Variants in DUSP26 observed in about 807,000 individuals in gnomAD.
The protein encoded by DUSP26 is dual specificity phosphatase 26.
In DUSP26, 12 loss-of-function variants were observed where a neutral mutation model predicts 20.0. The observed-to-expected ratio is 0.60, with a 90% CI of 0.38 to 0.97. DUSP26 has a LOEUF of 0.97. DUSP26 is among the 50% of genes least tolerant of loss of function. The pLI is 0.00. For missense variants in DUSP26, 230 were observed against 294.0 expected, an observed-to-expected ratio of 0.78 and a Z score of 1.59; for synonymous variants, 120 against 118.8, an observed-to-expected ratio of 1.01 and a Z score of -0.06.
intron 2 of DUSP26, among the ~76,000 whole-genome samples, chr8:33,596,249 A>G (rs1423659602): frequency 6.6e-6 from 1 of 150,732 alleles, no homozygotes; most frequent in Non-Finnish European, 1.5e-5. Context: ...GGGCTACTGC[A>G]CTCCAGCCTG....
At chr8:33,594,311 G>A (rs1362418480) in intron 2 of DUSP26, among the ~76,000 whole-genome samples, 5 of 151,920 alleles carry the variant, frequency 3.3e-5, no homozygotes, top group Non-Finnish European at 7.4e-5. Context: ...GAAAGTGTGC[G>A]GCCGGGCGCG....
chr8:33,595,887 G>A (rs1811132894), intron 2 of DUSP26, among the ~76,000 whole-genome samples: 1 of 152,150 alleles, frequency 6.6e-6, no homozygotes, highest in African/African-American at 2.4e-5. Context: ...CCTTGGCCAG[G>A]CACAACTTCT....
chr8:33,597,431 G>C lies in DUSP26; in HGVS notation c.85C>G (p.Arg29Gly). The C allele has an allele frequency of 6.2e-7, 1 of 1,614,104 alleles. No individual in the cohort carries two copies. Among genetic ancestry groups the C allele is most frequent in the South Asian group, 1.1e-5 (1 of 91,076 alleles). ...GTTGGCATCTCCTCCAGGGTCCCTCGAGTTCGAACAGGAGACCTTGAGCTA... is the reference window on the plus strand; with the variant it reads ...GTTGGCATCTCCTCCAGGGTCCCTCCAGTTCGAACAGGAGACCTTGAGCTA... ...RSSSRSPVRT[R>G]GTLEEMPTVQ... is the part of the protein sequence containing the mutation. Residue 29 changes from arginine (R) to glycine (G), a missense_variant, in exon 2 of 4, where the codon CGA becomes GGA. Transcript: ENST00000256261.
At chr8:33,599,473 C>T (rs1487531459) in intron 1 of DUSP26, among the ~76,000 whole-genome samples, 192 bp downstream of exon 1, 2 of 152,270 alleles carry the variant, frequency 1.3e-5, no homozygotes, top group East Asian at 3.9e-4. Context: ...CCATGGCTGT[C>T]GCCCCAGTCC....
At position 33,597,378 on chromosome 8, in the gene DUSP26, G is replaced by C; in HGVS notation, c.138C>G (p.Phe46Leu). The change falls in exon 2 of 4, where the codon TTC (phenylalanine) becomes TTG (leucine). Residue 46 changes from phenylalanine to leucine, a missense_variant. Phe to Leu is a conservative substitution (Grantham distance 22). Coordinates refer to ENST00000256261, the MANE Select transcript of DUSP26 (RefSeq NM_024025.3). Reference protein sequence around the residue: ...PTVQHPFLNVFELERLLYTGK... With the variant: ...PTVQHPFLNVLELERLLYTGK... ...CTGTGTAGAGGAGCCGCTCCAACTC[G>C]AAGACATTGAGGAAAGGATGTTGAA... 6.2e-7 allele frequency: 1 copy of C among 1,614,074 alleles called. No homozygotes were observed. The highest frequency in any genetic ancestry group is 8.5e-7 in the Non-Finnish European group (1 of 1,180,038).
At chr8:33,594,152 C>T (rs1811088927) in intron 2 of DUSP26, among the ~76,000 whole-genome samples, 1 of 151,868 alleles carries the variant, frequency 6.6e-6, no homozygotes, top group Non-Finnish European at 1.5e-5. Context: ...AAGGACACTA[C>T]TTTACTTACT....
At position 33,591,867 on chromosome 8, in the gene DUSP26, G is replaced by C. The variant is rs1473901649; in HGVS notation, c.*146C>G. 4.5e-6 allele frequency: 4 copies of C among 895,738 alleles called. No individual in the cohort carries two copies. The African/African-American group carries it at 6.8e-5, about 15-fold the overall frequency. The allele number at this position is 895,738 out of a possible 1,614,324, so 55.5% of individuals were successfully genotyped here. ...CTCCCCGTCCCCTCCCACAAAGAGTGACAGTGGCCTGGGGCTCGGCCTCTC... is the reference window on the plus strand; with the variant it reads ...CTCCCCGTCCCCTCCCACAAAGAGTCACAGTGGCCTGGGGCTCGGCCTCTC... On this transcript the variant is annotated 3_prime_UTR_variant, in exon 4 of 4. Transcript: ENST00000256261.
chr8:33,597,062 C>A (rs1404677340), intron 2 of DUSP26, among the ~76,000 whole-genome samples: 1 of 152,064 alleles, frequency 6.6e-6, no homozygotes, highest in Non-Finnish European at 1.5e-5. Flanking sequence ...GCCTTTCAAA[C>A]TGCTGGGATC....
chr8:33,591,801 A>C lies in DUSP26; in HGVS notation c.*212T>G. 1 of 586,586 alleles carries C rather than the reference A, an allele frequency of 1.7e-6. No individual in the cohort carries two copies. The highest frequency in any genetic ancestry group is 2.1e-5 in the South Asian group (1 of 48,644). 36.3% of individuals were successfully genotyped at this position (586,586 alleles called of 1,614,324 possible). On this transcript the variant is annotated 3_prime_UTR_variant, in exon 4 of 4. Transcript: ENST00000256261. ...AGCCTAGCTGCCTCCTTCCCTGGTC[A>C]ACCCTTCCTGGGTGCCCATCCACCA...
chr8:33,598,021 T>C (rs1408786277), intron 1 of DUSP26, among the ~76,000 whole-genome samples: 1 of 151,770 alleles, frequency 6.6e-6, no homozygotes, highest in Non-Finnish European at 1.5e-5. Flanking sequence ...GGGTTGGGGG[T>C]ACCTTTAGAC....
chr8:33,596,691 T>C (rs1299050291), intron 2 of DUSP26, among the ~76,000 whole-genome samples: 1 of 152,180 alleles, frequency 6.6e-6, no homozygotes, highest in African/African-American at 2.4e-5. Flanking sequence ...TTGATGTTTT[T>C]CTCTCCATAG....
chr8:33,591,609 C>T lies in DUSP26; in HGVS notation c.*404G>A, dbSNP rs1585375778. 2 of 230,624 alleles carry T rather than the reference C, an allele frequency of 8.7e-6. No homozygotes were observed. The highest frequency in any genetic ancestry group is 5.6e-5 in the South Asian group (1 of 17,918). The allele number at this position is 230,624 out of a possible 1,614,324, so 14.3% of individuals were successfully genotyped here. A position where few individuals can be genotyped will look rare whatever the true frequency, so the allele number is the denominator to read the frequency against. On this transcript the variant is annotated 3_prime_UTR_variant, in exon 4 of 4. Transcript: ENST00000256261. ...TCTACACCATTGCATTCATGCTTGC[C>T]GTATCCCTGACTTTCTGCACAAGTG...
intron 1 of DUSP26, among the ~76,000 whole-genome samples, chr8:33,599,277 G>T (rs1007763972): frequency 2.0e-5 from 3 of 152,112 alleles, no homozygotes; most frequent in Admixed American, 2.0e-4. Flanking sequence ...TGATGAATGG[G>T]ATGGGGGAAG....
intron 2 of DUSP26, among the ~76,000 whole-genome samples, chr8:33,597,038 A>G (rs1811160667): frequency 6.6e-6 from 1 of 152,064 alleles, no homozygotes. Context: ...TGTACTCTAG[A>G]TACTCCTGCC....
intron 2 of DUSP26, among the ~76,000 whole-genome samples, chr8:33,595,491 C>T (rs1022141054): frequency 6.6e-6 from 1 of 151,678 alleles, no homozygotes; most frequent in African/African-American, 2.4e-5. Context: ...AAGCAATTCT[C>T]TGCCTCAGCC....
chr8:33,598,866 C>T lies in DUSP26; in HGVS notation c.-77+799G>A, dbSNP rs1811209513. 2.0e-5 allele frequency among the ~76,000 whole-genome samples: 3 copies of T among 152,220 alleles called. No homozygotes were observed. The South Asian group carries it at 6.2e-4, about 32-fold the overall frequency. Reference sequence around the variant, plus strand: ...CCTTCCTGGCCTCCTGCCAGGGGGACTTCAACTCTATGACCAGCAGTGAGA... The same window carrying T: ...CCTTCCTGGCCTCCTGCCAGGGGGATTTCAACTCTATGACCAGCAGTGAGA... On this transcript the variant is annotated intron_variant, in intron 1 of 3. Transcript: ENST00000256261.
chr8:33,592,349 T>G (rs1381726040), intron 3 of DUSP26, 137 bp from the exon 4 acceptor site: 5 of 786,482 alleles, frequency 6.4e-6, no homozygotes, highest in Non-Finnish European at 9.8e-6. Context: ...AGGGGGAAGA[T>G]TGCCTGAGGT....
chr8:33,593,048 G>A (rs1811058744), intron 3 of DUSP26, among the ~76,000 whole-genome samples: 1 of 152,138 alleles, frequency 6.6e-6, no homozygotes, highest in South Asian at 2.1e-4. Flanking sequence ...GAGGCGGGTG[G>A]ATCACCTGAG....
At chr8:33,596,448 G>A (rs757594106) in intron 2 of DUSP26, among the ~76,000 whole-genome samples, 3 of 151,844 alleles carry the variant, frequency 2.0e-5, no homozygotes, top group Non-Finnish European at 4.4e-5. Flanking sequence ...CGGGCAAGGC[G>A]GTGTGTGCCT....
Sources: gnomAD v4.1 joint callset for allele counts (sites outside exome capture counted in the v4.1 genomes callset) on GRCh38, gnomAD v4.1.1 for gene constraint, MANE v1.5 for transcripts, NCBI Gene and HGNC (gene_info 2026-07-23, HGNC 2026-07-21) for gene names.